FOCAD: variants seen among roughly 807,000 people sequenced by gnomAD.
The protein encoded by FOCAD is KIAA1797.
A neutral mutation model predicts 225.6 loss-of-function variants in FOCAD; 198 were observed. That is an observed-to-expected ratio of 0.88 (90% CI 0.78 to 0.99). The LOEUF (loss-of-function observed/expected upper bound fraction) is 0.99. FOCAD is among the 50% of genes least tolerant of loss of function. FOCAD has a pLI of 0.00. For synonymous variants in FOCAD, 897 were observed against 755.0 expected (o/e 1.19, Z -3.08); for missense variants, 2,713 against 2,123.6 (o/e 1.28, Z -5.46).
At chr9:20,697,989 C>G (rs1007357022) in intron 1 of FOCAD, among the ~76,000 whole-genome samples, 4 of 152,186 alleles carry the variant, frequency 2.6e-5, no homozygotes, top group Non-Finnish European at 5.9e-5. Flanking sequence ...TTAAATAGTT[C>G]TTAATAAGTG....
chr9:20,735,894 ACT>A (rs1827120166), intron 4 of FOCAD, among the ~76,000 whole-genome samples: 1 of 151,774 alleles, frequency 6.6e-6, no homozygotes, highest in Admixed American at 6.6e-5. Flanking sequence ...TTATAAAATC[ACT>A]CTTTCAAAGT....
intron 11 of FOCAD, among the ~76,000 whole-genome samples, chr9:20,798,156 T>C (rs1444957020): frequency 3.3e-5 from 5 of 152,166 alleles, no homozygotes; most frequent in Non-Finnish European, 1.5e-5. Context: ...CATTTATTGA[T>C]TTGCGTATGT....
chr9:20,673,361 C>G (rs922288077), intron 2 of FOCAD, among the ~76,000 whole-genome samples: 1 of 152,132 alleles, frequency 6.6e-6, no homozygotes, highest in Non-Finnish European at 1.5e-5. Context: ...TTTTCCATAA[C>G]AGTGCACCAT....
At chr9:20,712,094 C>T (rs375498251) in intron 1 of FOCAD, among the ~76,000 whole-genome samples, 2 of 152,154 alleles carry the variant, frequency 1.3e-5, no homozygotes, top group African/African-American at 2.4e-5. Context: ...TAATATGCAA[C>T]ATTATTTATA....
upstream of FOCAD, among the ~76,000 whole-genome samples, chr9:20,681,524 C>T (rs1366094802): frequency 1.3e-5 from 2 of 152,210 alleles, no homozygotes; most frequent in Admixed American, 1.3e-4. Flanking sequence ...TTTTTAACTT[C>T]AGAATTTGTC....
intron 15 of FOCAD, among the ~76,000 whole-genome samples, chr9:20,856,338 T>C (rs1828180693): frequency 6.6e-6 from 1 of 151,906 alleles, no homozygotes; most frequent in Admixed American, 6.6e-5. Context: ...TTTGCATTTC[T>C]CTGATGACGT....
intron 37 of FOCAD, 52 bp downstream of exon 37, chr9:20,978,506 G>C: frequency 8.1e-7 from 1 of 1,230,308 alleles, no homozygotes; most frequent in Non-Finnish European, 1.2e-6. Flanking sequence ...TTCTTTAGGA[G>C]GATATTAACA....
chr9:20,720,298 C>A, intron 3 of FOCAD, 82 bp from the exon 4 acceptor site: 1 of 1,346,224 alleles, frequency 7.4e-7, no homozygotes, highest in South Asian at 1.3e-5. Context: ...GAACAAATTA[C>A]TCATTGATGA....
intron 28 of FOCAD, among the ~76,000 whole-genome samples, chr9:20,942,452 C>A (rs1836763181): frequency 6.6e-6 from 1 of 152,118 alleles, no homozygotes; most frequent in Non-Finnish European, 1.5e-5. Flanking sequence ...CAGATGAGCC[C>A]AATATTCCTC....
intron 2 of FOCAD, among the ~76,000 whole-genome samples, chr9:20,661,703 A>G (rs922166487): frequency 2.6e-5 from 4 of 152,230 alleles, no homozygotes; most frequent in African/African-American, 9.6e-5. Context: ...CATAGGATAC[A>G]TTGAGTACAT....
chr9:20,702,757 G>C (rs1266779741), intron 1 of FOCAD, among the ~76,000 whole-genome samples: 2 of 152,044 alleles, frequency 1.3e-5, no homozygotes, highest in Non-Finnish European at 2.9e-5. Context: ...TCCTCCTGTG[G>C]GAAATGGAGT....
Position 20,952,992 on chromosome 9 carries a change from T to G in FOCAD, c.4059T>G (p.Thr1353=). ...SSSQSRASVP[T]DYSYLPESSF... ...CATTTTCTGTCTCCACAGTTCCTACTGACTATAGCTACTTGCCTGAAAGCA... is the reference window on the plus strand; with the variant it reads ...CATTTTCTGTCTCCACAGTTCCTACGGACTATAGCTACTTGCCTGAAAGCA... Residue 1353 remains threonine, a synonymous_variant, in exon 35 of 44, where the codon ACT becomes ACG. Transcript: ENST00000338382. 1 of 1,613,462 alleles carries G rather than the reference T, an allele frequency of 6.2e-7. No individual in the cohort carries two copies.
chr9:20,796,956 A>G (rs190295672), intron 11 of FOCAD, among the ~76,000 whole-genome samples: 2 of 152,126 alleles, frequency 1.3e-5, no homozygotes, highest in South Asian at 2.1e-4. Context: ...TAGGTCTAAC[A>G]TTTAAGTCTT....
chr9:20,703,978 C>T (rs1003519971), intron 1 of FOCAD, among the ~76,000 whole-genome samples: 2 of 152,230 alleles, frequency 1.3e-5, no homozygotes, highest in Non-Finnish European at 2.9e-5. Context: ...CAAAGCACCT[C>T]AGAGCTTTGC....
intron 6 of FOCAD, among the ~76,000 whole-genome samples, chr9:20,760,778 A>G (rs1391011574): frequency 6.6e-6 from 1 of 152,112 alleles, no homozygotes; most frequent in African/African-American, 2.4e-5. Context: ...TCTCTGTATT[A>G]GTGATGCTTG....
rs796724552 is a variant in FOCAD, at chr9:20,679,121, A to G, written c.-77-15399A>G. Among the ~76,000 whole-genome samples the G allele has an allele frequency of 2.5e-3, 311 of 121,980 alleles. 3 individuals carry two copies. The highest frequency in any genetic ancestry group is 0.016 in the Middle Eastern group (4 of 248). 80.0% of individuals were successfully genotyped at this position (121,980 alleles called of 152,430 possible). A position where few individuals can be genotyped will look rare whatever the true frequency, so the allele number is the denominator to read the frequency against. On this transcript the variant is annotated intron_variant, in intron 2 of 45. Transcript: ENST00000380249. Reference sequence around the variant, plus strand: ...CAAAGGGGCAACAGACAGTCTGTGTATGTGTGTGTGTGTGTGTGTGTGTGT... The same window carrying G: ...CAAAGGGGCAACAGACAGTCTGTGTGTGTGTGTGTGTGTGTGTGTGTGTGT...
intron 21 of FOCAD, 56 bp from the exon 22 acceptor site, chr9:20,907,094 T>G (rs1833041951): frequency 7.3e-7 from 1 of 1,368,902 alleles, no homozygotes; most frequent in Non-Finnish European, 1.0e-6. Context: ...CAGTTTTAAT[T>G]TTATTCTTTT....
At chr9:20,858,343 A>G (rs1229457237) in intron 15 of FOCAD, among the ~76,000 whole-genome samples, 2 of 151,938 alleles carry the variant, frequency 1.3e-5, no homozygotes, top group Non-Finnish European at 2.9e-5. Context: ...CTAAGAATTT[A>G]TCTGTTTCTT....
chr9:20,890,184 G>A (rs1345752197), intron 21 of FOCAD, among the ~76,000 whole-genome samples: 2 of 151,232 alleles, frequency 1.3e-5, no homozygotes, highest in Non-Finnish European at 2.9e-5. Flanking sequence ...TTTTATTGCT[G>A]GACTGCACTA....
Sources: gnomAD v4.1 joint callset for allele counts (sites outside exome capture counted in the v4.1 genomes callset) on GRCh38, gnomAD v4.1.1 for gene constraint, MANE v1.5 for transcripts, NCBI Gene and HGNC (gene_info 2026-07-23, HGNC 2026-07-21) for gene names.